The following TTC32 variants were observed in gnomAD, a reference collection of about 807,000 sequenced individuals.
TTC32 encodes tetratricopeptide repeat domain 32.
Under a neutral mutation model 15.3 loss-of-function variants are expected in TTC32, and 16 were observed. That is an observed-to-expected ratio of 1.05 (90% confidence interval 0.71 to 1.59). The LOEUF (loss-of-function observed/expected upper bound fraction) is 1.59. TTC32 is among the 40% of genes most tolerant of loss of function. TTC32 has a pLI of 0.00. For synonymous variants in TTC32, 89 were observed against 67.8 expected (o/e 1.31, Z -1.53); for missense variants, 188 against 181.9 (o/e 1.03, Z -0.19).
chr2:19,896,904 C>A lies in TTC32; in HGVS notation c.*83G>T, dbSNP rs1173860499. ...ATGTATTAATTTCTTAAATATAAAT[C>A]AAAATAGCTCAATATCTAAATTACT... On this transcript the variant is annotated 3_prime_UTR_variant, in exon 3 of 3. Coordinates refer to ENST00000333610, the MANE Select transcript of TTC32 (RefSeq NM_001008237.3). The A allele has an allele frequency of 2.4e-6, 3 of 1,268,680 alleles. No individual in the cohort carries two copies. Among genetic ancestry groups the A allele is most frequent in the East Asian group, 5.2e-5 (2 of 38,412 alleles). 78.6% of individuals were successfully genotyped at this position (1,268,680 alleles called of 1,614,324 possible).
At position 19,901,827 on chromosome 2, in the gene TTC32, C is replaced by T. The variant is rs1558312877; in HGVS notation, c.28G>A (p.Ala10Thr). 1 of 1,614,122 alleles carries T rather than the reference C, an allele frequency of 6.2e-7. No homozygotes were observed. The highest frequency in any genetic ancestry group is 8.5e-7 in the Non-Finnish European group (1 of 1,179,986). Residue 10 changes from alanine to threonine, a missense_variant, in exon 1 of 3, where the codon GCA (alanine) becomes ACA (threonine). Transcript: ENST00000333610. The part of the protein sequence containing the change: MEGQRQESH[A>T]TLTLAQAHFN... Reference sequence around the variant, plus strand: ...TGAGCCTGGGCGAGTGTTAGGGTTGCGTGGCTTTCTTGCCGCTGTCCTTCC... The same window carrying T: ...TGAGCCTGGGCGAGTGTTAGGGTTGTGTGGCTTTCTTGCCGCTGTCCTTCC...
At chr2:19,898,233 G>A (rs1372639631) in intron 1 of TTC32, 198 bp from the exon 2 acceptor site, 2 of 457,878 alleles carry the variant, frequency 4.4e-6, no homozygotes, top group African/African-American at 2.0e-5. Flanking sequence ...ACTTTTGTAG[G>A]GTTATACCAC....
At chr2:19,898,501 C>A (rs1669547164) in intron 1 of TTC32, 1 of 152,368 alleles carries the variant, frequency 6.6e-6, no homozygotes. Flanking sequence ...AAATCATTTT[C>A]CACCAATAAA....
rs142663059 is a variant in TTC32 at position 19,901,733 on chromosome 2, G to A, written c.122C>T (p.Ala41Val). 4 of 1,613,426 alleles carry A rather than the reference G, an allele frequency of 2.5e-6. No individual in the cohort carries two copies. The African/African-American group carries it at 4.0e-5, about 16-fold the overall frequency. The change falls in exon 1 of 3, where the codon GCG becomes GTG. Residue 41 changes from alanine to valine, a missense_variant. By Grantham distance (64) the Ala-to-Val change is moderately conservative. Coordinates refer to ENST00000333610, the MANE Select transcript of TTC32 (RefSeq NM_001008237.3). Reference sequence around the variant, plus strand: ...CCCGGGACTCTCGTCGCTGGAGGCCGCGCAAGCGCACCGGCGAATGTAAGC... The same window carrying A: ...CCCGGGACTCTCGTCGCTGGAGGCCACGCAAGCGCACCGGCGAATGTAAGC... ...YSAYIRRCAC[A>V]ASSDESPGSK...
intron 1 of TTC32, chr2:19,898,587 C>G (rs1253229644): frequency 1.3e-5 from 2 of 152,266 alleles, no homozygotes; most frequent in African/African-American, 4.8e-5. Context: ...CAGAGTTGCC[C>G]TCCCTCCAGC....
rs1483332809 is a variant in TTC32 at position 19,897,932 on chromosome 2, T to C, written c.253A>G (p.Ile85Val). The C allele has an allele frequency of 2.5e-6, 4 of 1,612,962 alleles. No homozygotes were observed. Among genetic ancestry groups the C allele is most frequent in the Middle Eastern group, 1.7e-4 (1 of 6,054 alleles). Reference protein sequence around the residue: ...YEAMDDYTSAIEVQPNFEVPY... With the variant: ...YEAMDDYTSAVEVQPNFEVPY... The stretch of plus-strand genomic sequence containing the variant: ...ACTTCAAAATTGGGTTGGACTTCTA[T>C]GGCAGATGTGTAGTCATCCATGGCT... The change falls in exon 2 of 3, where the codon ATA (isoleucine) becomes GTA (valine). Residue 85 changes from isoleucine (I) to valine (V), a missense_variant. Coordinates refer to ENST00000333610, the MANE Select transcript of TTC32 (RefSeq NM_001008237.3).
At chr2:19,898,363 A>C (rs1317068963) in intron 1 of TTC32, 5 of 192,088 alleles carry the variant, frequency 2.6e-5, no homozygotes, top group Admixed American at 5.8e-5. Flanking sequence ...AGGGCAAAGA[A>C]GACAGAACAG....
At chr2:19,901,459 CG>C in intron 1 of TTC32, 2 of 390,810 alleles carry the variant, frequency 5.1e-6, no homozygotes, top group South Asian at 2.7e-5. Context: ...GCTTGGTTCC[CG>C]GAAATCTCTC....
rs1476878944 is a variant in TTC32, at chr2:19,901,450, C to A, written c.149+256G>T. 10 of 366,304 alleles carry A rather than the reference C, an allele frequency of 2.7e-5. No homozygotes were observed. In the East Asian group the frequency reaches 2.9e-4, roughly 11 times the overall value. 22.7% of individuals were successfully genotyped at this position (366,304 alleles called of 1,614,324 possible). ...CCGCGCCCGAGGATCGCGCAGAGGG[C>A]TTGGTTCCCGGAAATCTCTCCGCAC... On this transcript the variant is annotated intron_variant, in intron 1 of 2. Transcript: ENST00000333610.
rs1669521418 is a variant in TTC32 at position 19,897,047 on chromosome 2, T to C, written c.396A>G (p.Leu132=). The change falls in exon 3 of 3, where the codon TTA becomes TTG. Residue 132 remains leucine (L), a synonymous_variant. Coordinates refer to ENST00000333610, the MANE Select transcript of TTC32 (RefSeq NM_001008237.3). The part of the protein sequence containing the change: ...NPGFQDATLS[L]KQTILDKEEK... Reference sequence around the variant, plus strand: ...CTTCTTTGTCTAGAATAGTCTGTTTTAAGCTCAAAGTAGCATCTTGAAATC... The same window carrying C: ...CTTCTTTGTCTAGAATAGTCTGTTTCAAGCTCAAAGTAGCATCTTGAAATC... 1.2e-6 allele frequency: 2 copies of C among 1,608,166 alleles called. No homozygotes were observed. The highest frequency in any genetic ancestry group is 1.7e-6 in the Non-Finnish European group (2 of 1,177,578).
intron 1 of TTC32, 80 bp downstream of exon 1, chr2:19,901,626 G>C (rs1669605632): frequency 2.0e-6 from 3 of 1,527,094 alleles, no homozygotes; most frequent in Non-Finnish European, 2.6e-6. Flanking sequence ...GTGAGCTCCA[G>C]AGGCAAAGAT....
At chr2:19,900,426 CAG>C (rs1262782783) in intron 1 of TTC32, among the ~76,000 whole-genome samples, 1 of 152,108 alleles carries the variant, frequency 6.6e-6, no homozygotes, top group East Asian at 1.9e-4. Context: ...GCGTAACAAA[CAG>C]GGTAAGAATC....
chr2:19,901,634 G>A (rs935205885), intron 1 of TTC32, 72 bp downstream of exon 1: 18 of 1,551,308 alleles, frequency 1.2e-5, no homozygotes, highest in Non-Finnish European at 1.6e-5. Context: ...CAGAGGCAAA[G>A]ATAGGAGCCC....
chr2:19,897,877 T>C lies in TTC32; in HGVS notation c.308A>G (p.Tyr103Cys). The change falls in exon 2 of 3, where the codon TAT becomes TGT. Residue 103 changes from tyrosine (Y) to cysteine (C), a missense_variant. Transcript: ENST00000333610. ...AGAAAAAAAATTCTTACCCAGCCTATACAGTATCAACCCTCTGTTGTAATA... is the reference window on the plus strand; with the variant it reads ...AGAAAAAAAATTCTTACCCAGCCTACACAGTATCAACCCTCTGTTGTAATA... ...VPYYNRGLIL[Y>C]RLGYFDDALE... 14 of 1,591,048 alleles carry C rather than the reference T, an allele frequency of 8.8e-6. No homozygotes were observed. Among genetic ancestry groups the C allele is most frequent in the Non-Finnish European group, 1.2e-5 (14 of 1,165,646 alleles).
chr2:19,896,871 C>A lies in TTC32; in HGVS notation c.*116G>T. On this transcript the variant is annotated 3_prime_UTR_variant, in exon 3 of 3. Transcript: ENST00000333610. Reference sequence around the variant, plus strand: ...TACCTTAAACACACTATTTAACTTTCAGTGCTAATGTATTAATTTCTTAAA... The same window carrying A: ...TACCTTAAACACACTATTTAACTTTAAGTGCTAATGTATTAATTTCTTAAA... 1.0e-6 allele frequency: 1 copy of A among 989,576 alleles called. No homozygotes were observed. The highest frequency in any genetic ancestry group is 1.4e-6 in the Non-Finnish European group (1 of 715,154). 61.3% of individuals were successfully genotyped at this position (989,576 alleles called of 1,614,324 possible). A position where few individuals can be genotyped will look rare whatever the true frequency, so the allele number is the denominator to read the frequency against.
At chr2:19,899,664 C>A (rs910751968) in intron 1 of TTC32, among the ~76,000 whole-genome samples, 4 of 135,714 alleles carry the variant, frequency 2.9e-5, no homozygotes, top group African/African-American at 1.1e-4. Flanking sequence ...CTAACTTTCG[C>A]AAAAAAAAAT....
At position 19,897,960 on chromosome 2, in the gene TTC32, A is replaced by C; in HGVS notation, c.225T>G (p.Tyr75Ter). Residue 75 changes from tyrosine (Y) to a stop codon, truncating the protein, a stop_gained, in exon 2 of 3, where the codon TAT becomes TAG. Coordinates refer to ENST00000333610, the MANE Select transcript of TTC32 (RefSeq NM_001008237.3). LOFTEE classifies it high-confidence loss of function. ...CAGATGTGTAGTCATCCATGGCTTCATAAAAATCAACCCTGAAGTACTTGA... is the reference window on the plus strand; with the variant it reads ...CAGATGTGTAGTCATCCATGGCTTCCTAAAAATCAACCCTGAAGTACTTGA... ...GQIKYFRVDFYEAMDDYTSAI... is the reference protein window; with the variant it reads ...GQIKYFRVDF 6.2e-7 allele frequency: 1 copy of C among 1,612,668 alleles called. No individual in the cohort carries two copies. Among genetic ancestry groups the C allele is most frequent in the Non-Finnish European group, 8.5e-7 (1 of 1,178,836 alleles).
In TTC32 at chr2:19,901,759, G is replaced by C; in HGVS notation, c.96C>G (p.Ser32=). The change falls in exon 1 of 3, where the codon TCC becomes TCG. Residue 32 remains serine (S), a synonymous_variant. Coordinates refer to ENST00000333610, the MANE Select transcript of TTC32 (RefSeq NM_001008237.3). ...GEYAEAEALY[S]AYIRRCACAA... ...CGCAAGCGCACCGGCGAATGTAAGC[G>C]GAGTACAGTGCCTCGGCCTCCGCGT... is the stretch of plus-strand genomic sequence containing the variant. 2 of 1,613,982 alleles carry C rather than the reference G, an allele frequency of 1.2e-6. No homozygotes were observed. Among genetic ancestry groups the C allele is most frequent in the Non-Finnish European group, 1.7e-6 (2 of 1,179,906 alleles).
chr2:19,901,667 A>T (rs1011863252), intron 1 of TTC32, 39 bp downstream of exon 1: 2 of 1,595,854 alleles, frequency 1.3e-6, no homozygotes, highest in Non-Finnish European at 1.7e-6. Flanking sequence ...CGTCGCCTCC[A>T]CCCGGGGTCG....
Sources: allele counts gnomAD v4.1 joint callset (sites outside exome capture counted in the v4.1 genomes callset), GRCh38; gene constraint gnomAD v4.1.1; transcripts MANE v1.5; gene names NCBI Gene and HGNC (gene_info 2026-07-23, HGNC 2026-07-21).